MINDY2: variants seen among roughly 807,000 people sequenced by gnomAD.
MINDY2 encodes the protein MINDY lysine 48 deubiquitinase 2, also known as ubiquitin carboxyl-terminal hydrolase MINDY-2.
Under a neutral mutation model 68.2 loss-of-function variants are expected in MINDY2, and 52 were observed. That is an observed-to-expected ratio of 0.76 (90% CI 0.61 to 0.96). The LOEUF (loss-of-function observed/expected upper bound fraction) is 0.96. Among genes scored for constraint, MINDY2 ranks in the 40% least tolerant of loss-of-function variants. The pLI, the probability that MINDY2 is intolerant of heterozygous loss-of-function variation, is 0.00. For synonymous variants in MINDY2, 372 were observed against 303.0 expected (o/e 1.23, Z -2.36); for missense variants, 881 against 773.4 (o/e 1.14, Z -1.65).
intron 2 of MINDY2, among the ~76,000 whole-genome samples, chr15:58,791,598 C>G (rs1901925621): frequency 6.9e-6 from 1 of 145,260 alleles, no homozygotes; most frequent in Admixed American, 7.0e-5. Context: ...CCCTGGGCAA[C>G]AGGGCAAGAC....
At position 58,844,319 on chromosome 15, in the gene MINDY2, G is replaced by A. The variant is rs563426061; in HGVS notation, c.1369-2978G>A. On this transcript the variant is annotated intron_variant, in intron 6 of 8. Coordinates refer to ENST00000559228, the MANE Select transcript of MINDY2 (RefSeq NM_001040450.3). ...TCCCAGCACTTTGGGAGGCCGAGGC[G>A]GGTGGATCACAAGGTCAGGAGATTG... Among the ~76,000 whole-genome samples, 12 of 151,922 alleles carry A rather than the reference G, an allele frequency of 7.9e-5. No homozygotes were observed. The East Asian group carries it at 1.2e-3, about 15-fold the overall frequency.
At chr15:58,792,245 A>G (rs2140930917) in intron 2 of MINDY2, among the ~76,000 whole-genome samples, 1 of 152,368 alleles carries the variant, frequency 6.6e-6, no homozygotes, top group South Asian at 2.1e-4. Flanking sequence ...GAATTACCGT[A>G]TGACCATGAA....
In MINDY2 at chr15:58,827,532, C is replaced by T. The variant is rs556431456; in HGVS notation, c.1226-4242C>T. On this transcript the variant is annotated intron_variant, in intron 5 of 8. Transcript: ENST00000559228. ...AGGCTGGAGTGTAGTGGCGCGATCT[C>T]GGCTCACTGTAAGCTCCGCCTTCCG... is the stretch of plus-strand genomic sequence containing the variant. Among the ~76,000 whole-genome samples, 99 of 152,226 alleles carry T rather than the reference C, an allele frequency of 6.5e-4. 1 individual carries two copies. The highest frequency in any genetic ancestry group is 3.4e-3 in the Middle Eastern group (1 of 294).
At chr15:58,845,225 G>A (rs763072020) in intron 6 of MINDY2, among the ~76,000 whole-genome samples, 42 of 152,042 alleles carry the variant, frequency 2.8e-4, no homozygotes, top group Non-Finnish European at 5.1e-4. Context: ...GGCCAACATG[G>A]TAAAACCCCA....
chr15:58,803,398 G>A (rs540248076), intron 3 of MINDY2, among the ~76,000 whole-genome samples: 2 of 152,022 alleles, frequency 1.3e-5, no homozygotes, highest in South Asian at 2.1e-4. Flanking sequence ...ATCCCAGGAG[G>A]CGGAAGTTGC....
intron 1 of MINDY2, among the ~76,000 whole-genome samples, chr15:58,779,350 C>T (rs1792478140): frequency 6.6e-6 from 1 of 152,200 alleles, no homozygotes; most frequent in Admixed American, 6.5e-5. Flanking sequence ...TGAAGGTGAG[C>T]CTCTTGCCAG....
chr15:58,786,547 C>T (rs1901513793), intron 1 of MINDY2, among the ~76,000 whole-genome samples: 1 of 152,150 alleles, frequency 6.6e-6, no homozygotes, highest in South Asian at 2.1e-4. Flanking sequence ...AATGGATTTT[C>T]TGGGGTTTTT....
intron 3 of MINDY2, among the ~76,000 whole-genome samples, chr15:58,804,197 C>G (rs1595729982): frequency 6.6e-6 from 1 of 151,806 alleles, no homozygotes. Flanking sequence ...TAAATTTTAT[C>G]AGGGGAATTT....
At chr15:58,818,030 G>T (rs1471134182) in intron 4 of MINDY2, among the ~76,000 whole-genome samples, 1 of 152,130 alleles carries the variant, frequency 6.6e-6, no homozygotes, top group Non-Finnish European at 1.5e-5. Context: ...CCACATTATG[G>T]TATATTCTAT....
chr15:58,781,197 C>A (rs1901119467), intron 1 of MINDY2, among the ~76,000 whole-genome samples: 1 of 152,066 alleles, frequency 6.6e-6, no homozygotes. Context: ...TTACAGACAC[C>A]TGCCCCCATG....
intron 1 of MINDY2, among the ~76,000 whole-genome samples, chr15:58,781,877 G>A (rs2140904491): frequency 6.6e-6 from 1 of 152,062 alleles, no homozygotes; most frequent in South Asian, 2.1e-4. Flanking sequence ...ACTCCAGCCT[G>A]GGTGACAGAG....
chr15:58,832,815 C>T (rs1236958218), intron 6 of MINDY2, among the ~76,000 whole-genome samples: 1 of 152,266 alleles, frequency 6.6e-6, no homozygotes, highest in Middle Eastern at 3.4e-3. Context: ...CTTGAGCCAC[C>T]GTGTGCGGCC....
chr15:58,833,483 A>T (rs1293685240), intron 6 of MINDY2, among the ~76,000 whole-genome samples: 3 of 152,202 alleles, frequency 2.0e-5, no homozygotes, highest in Non-Finnish European at 4.4e-5. Flanking sequence ...CATGCGGAGG[A>T]TCCACGCCGG....
rs1358698228 is a variant in MINDY2 at position 58,798,458 on chromosome 15, A to T, written c.899-3855A>T. Among the ~76,000 whole-genome samples the T allele has an allele frequency of 3.7e-4, 53 of 144,050 alleles. 1 individual carries two copies. The highest frequency in any genetic ancestry group is 8.3e-4 in the Admixed American group (12 of 14,440). 94.5% of individuals were successfully genotyped at this position (144,050 alleles called of 152,430 possible). A position where few individuals can be genotyped will look rare whatever the true frequency, so the allele number is the denominator to read the frequency against. On this transcript the variant is annotated intron_variant, in intron 2 of 8. Coordinates refer to ENST00000559228, the MANE Select transcript of MINDY2 (RefSeq NM_001040450.3). The stretch of plus-strand genomic sequence containing the variant: ...GCCTTTTTTAATGCAGTAAAAAAAA[A>T]TTTTTTTTTTTTTTGAGACAGAGTT...
At chr15:58,784,065 C>G (rs553550723) in intron 1 of MINDY2, among the ~76,000 whole-genome samples, 1 of 152,214 alleles carries the variant, frequency 6.6e-6, no homozygotes, top group South Asian at 2.1e-4. Flanking sequence ...GTGGCTCACA[C>G]CTGTAATACC....
At chr15:58,802,039 A>G (rs1902698714) in intron 2 of MINDY2, among the ~76,000 whole-genome samples, 1 of 152,190 alleles carries the variant, frequency 6.6e-6, no homozygotes, top group Admixed American at 6.6e-5. Flanking sequence ...ATTTGTTATA[A>G]CCTTTGGGAC....
intron 5 of MINDY2, among the ~76,000 whole-genome samples, chr15:58,824,063 A>G (rs1301550640): frequency 6.6e-6 from 1 of 152,238 alleles, no homozygotes; most frequent in African/African-American, 2.4e-5. Flanking sequence ...AATGCTAGCC[A>G]AGAAGTAATA....
At chr15:58,796,782 G>A (rs182319467) in intron 2 of MINDY2, among the ~76,000 whole-genome samples, 442 of 152,194 alleles carry the variant, frequency 2.9e-3, no homozygotes, top group African/African-American at 4.0e-3. Context: ...CTTGGCCTCC[G>A]GAAGTGCTGG....
At chr15:58,786,486 C>T (rs1901509826) in intron 1 of MINDY2, among the ~76,000 whole-genome samples, 1 of 152,190 alleles carries the variant, frequency 6.6e-6, no homozygotes, top group Non-Finnish European at 1.5e-5. Context: ...TTTGACAACG[C>T]ATTTGAACAA....
Sources: allele counts gnomAD v4.1 joint callset (sites outside exome capture counted in the v4.1 genomes callset), GRCh38; gene constraint gnomAD v4.1.1; transcripts MANE v1.5; gene names NCBI Gene and HGNC (gene_info 2026-07-23, HGNC 2026-07-21).